KHDRBS1: variants seen among roughly 807,000 people sequenced by gnomAD.
KHDRBS1 encodes KH RNA binding domain containing, signal transduction associated 1, also known as KH domain-containing, RNA-binding, signal transduction-associated protein 1.
A neutral mutation model predicts 48.4 loss-of-function variants in KHDRBS1; 7 were observed. The ratio of observed to expected loss-of-function variants is 0.14; its 90% CI spans 0.08 to 0.27. The LOEUF (loss-of-function observed/expected upper bound fraction) is 0.27. Among genes scored for constraint, KHDRBS1 ranks in the 10% least tolerant of loss-of-function variants. KHDRBS1 has a pLI of 1.00. For synonymous variants in KHDRBS1, 241 were observed against 235.8 expected (o/e 1.02, Z -0.20); for missense variants, 458 against 601.2 (o/e 0.76, Z 2.49).
intron 4 of KHDRBS1, among the ~76,000 whole-genome samples, chr1:32,034,970 G>A (rs1362328286): frequency 6.7e-6 from 1 of 150,068 alleles, no homozygotes; most frequent in African/African-American, 2.5e-5. Context: ...GACAGAGTGA[G>A]GCTCTGTCTC....
chr1:32,057,100 T>C (rs1241824393), intron 10 of KHDRBS1, among the ~76,000 whole-genome samples: 3 of 152,158 alleles, frequency 2.0e-5, no homozygotes, highest in African/African-American at 7.2e-5. Flanking sequence ...GGCAGAGGGC[T>C]TGGGGAAAGG....
At chr1:32,036,379 C>T (rs1639183576) in intron 4 of KHDRBS1, among the ~76,000 whole-genome samples, 1 of 151,982 alleles carries the variant, frequency 6.6e-6, no homozygotes, top group African/African-American at 2.4e-5. Context: ...CCGTGTTAGC[C>T]AGGGTGGTCT....
chr1:32,049,851 C>T (rs528404472), intron 10 of KHDRBS1, among the ~76,000 whole-genome samples: 52 of 151,626 alleles, frequency 3.4e-4, no homozygotes, highest in East Asian at 2.9e-3. Flanking sequence ...TTAGTAGAGA[C>T]GGGGTTTCAC....
chr1:32,045,754 C>T (rs1479833672), downstream of KHDRBS1, among the ~76,000 whole-genome samples: 1 of 152,144 alleles, frequency 6.6e-6, no homozygotes, highest in Admixed American at 6.5e-5. Flanking sequence ...GATAAAAAAT[C>T]TGGTGTGGGA....
rs1168167195 is a variant in KHDRBS1 at position 32,032,517 on chromosome 1, TA to T, written c.625-666del. Among the ~76,000 whole-genome samples, 3 of 152,180 alleles carry T rather than the reference TA, an allele frequency of 2.0e-5. No individual in the cohort carries two copies. The East Asian group carries it at 5.8e-4, about 29-fold the overall frequency. ...GTGATTAACAGCTCTACCTGTGATT[TA>T]AAAACAAATGCTTGGCAAACAGCTA... is the stretch of plus-strand genomic sequence containing the variant. On this transcript the variant is annotated intron_variant, in intron 3 of 8. Coordinates refer to ENST00000327300, the MANE Select transcript of KHDRBS1 (RefSeq NM_006559.3).
intron 1 of KHDRBS1, among the ~76,000 whole-genome samples, chr1:32,021,620 T>G (rs929961694): frequency 6.6e-5 from 10 of 152,072 alleles, no homozygotes; most frequent in Admixed American, 5.2e-4. Flanking sequence ...TACTTTTTTG[T>G]ATTTGTTTTT....
rs373823812 is a variant in KHDRBS1, at chr1:32,037,810, T to C, written c.906-25T>C. ...AGTGGCCTGTTTATAAAAAGCTCCA[T>C]TTAAGATAAACTTTCATTTTGTAGG... On this transcript the variant is annotated intron_variant, in intron 5 of 8. Transcript: ENST00000327300. 24 of 1,606,354 alleles carry C rather than the reference T, an allele frequency of 1.5e-5. No homozygotes were observed. The African/African-American group carries it at 1.6e-4, about 11-fold the overall frequency.
At chr1:32,042,461 C>A in intron 8 of KHDRBS1, 66 bp from the exon 9 acceptor site, 1 of 1,002,504 alleles carries the variant, frequency 1.0e-6, no homozygotes, top group Non-Finnish European at 1.6e-6. Context: ...ACTATGTGAC[C>A]TATCCCTGCT....
intron 10 of KHDRBS1, among the ~76,000 whole-genome samples, chr1:32,057,473 CCTT>C (rs1406300741): frequency 6.6e-6 from 1 of 151,508 alleles, no homozygotes; most frequent in African/African-American, 2.4e-5. Flanking sequence ...CCTAGCTGGA[CCTT>C]CTTCTTTTCT....
At chr1:32,054,444 G>GT (rs1639457348) in intron 10 of KHDRBS1, 1 of 152,108 alleles carries the variant, frequency 6.6e-6, no homozygotes, top group African/African-American at 2.4e-5. Flanking sequence ...TACTTGAGTC[G>GT]TTTGAGGATG....
chr1:32,056,403 A>T (rs1412851903), intron 10 of KHDRBS1, among the ~76,000 whole-genome samples: 1 of 152,218 alleles, frequency 6.6e-6, no homozygotes, highest in Non-Finnish European at 1.5e-5. Context: ...TCAGCTAAAT[A>T]GGGCACCTTG....
intron 1 of KHDRBS1, among the ~76,000 whole-genome samples, chr1:32,020,484 G>A (rs1028324572): frequency 6.6e-6 from 1 of 151,972 alleles, no homozygotes; most frequent in African/African-American, 2.4e-5. Flanking sequence ...TTATTTCAGG[G>A]AAATTAAAAC....
intron 8 of KHDRBS1, among the ~76,000 whole-genome samples, chr1:32,040,399 A>G (rs1369104765): frequency 1.3e-5 from 2 of 151,546 alleles, no homozygotes; most frequent in African/African-American, 2.4e-5. Context: ...CTGGGCAACA[A>G]AAGTCCGTCT....
chr1:32,060,800 C>G lies in KHDRBS1; in HGVS notation n.1939C>G, dbSNP rs187217809. 73 of 152,306 alleles carry G rather than the reference C, an allele frequency of 4.8e-4. No individual in the cohort carries two copies. The East Asian group carries it at 0.012, about 25-fold the overall frequency. 9.4% of individuals were successfully genotyped at this position (152,306 alleles called of 1,614,324 possible). ...TGTTCCACCTCTGTACTATATTTCT[C>G]CCCAACAAATATCTGCCCCTGAGGA... On this transcript the variant is annotated non_coding_transcript_exon_variant, in exon 11 of 11. Transcript: ENST00000484270.
At chr1:32,058,696 G>A (rs1282055049) in intron 10 of KHDRBS1, among the ~76,000 whole-genome samples, 1 of 152,146 alleles carries the variant, frequency 6.6e-6, no homozygotes, top group Non-Finnish European at 1.5e-5. Context: ...CCAGCTGCTC[G>A]GGAGGTGGAG....
In KHDRBS1 at chr1:32,014,117, C is replaced by T. The variant is rs1569749731; in HGVS notation, c.122C>T (p.Pro41Leu). The T allele has an allele frequency of 9.2e-6, 13 of 1,418,584 alleles. No individual in the cohort carries two copies. The highest frequency in any genetic ancestry group is 1.5e-5 in the South Asian group (1 of 68,658). The allele number at this position is 1,418,584 out of a possible 1,614,324, so 87.9% of individuals were successfully genotyped here. A position where few individuals can be genotyped will look rare whatever the true frequency, so the allele number is the denominator to read the frequency against. ...ACGCCGTCTCGGCAGCCGCCGCTGC[C>T]TCACCGGTCCCGGGGAGGCGGAGGG... ...RQTPSRQPPL[P>L]HRSRGGGGGS... The change falls in exon 1 of 9, where the codon CCT (proline) becomes CTT (leucine). Residue 41 changes from proline (P) to leucine (L), a missense_variant. This residue lies in a region of KHDRBS1 where 213 missense variants were observed against 215.6 expected (regional missense o/e 0.99). Coordinates refer to ENST00000327300, the MANE Select transcript of KHDRBS1 (RefSeq NM_006559.3).
chr1:32,029,957 T>C (rs1189399810), intron 1 of KHDRBS1, among the ~76,000 whole-genome samples: 2 of 152,202 alleles, frequency 1.3e-5, no homozygotes, highest in African/African-American at 4.8e-5. Context: ...TTATACTTTG[T>C]CTTGATGCAG....
At position 32,038,720 on chromosome 1, in the gene KHDRBS1, G is replaced by A. The variant is rs939409734; in HGVS notation, c.1175+101G>A. The A allele has an allele frequency of 1.9e-5, 23 of 1,181,834 alleles. 1 individual carries two copies. In the South Asian group the frequency reaches 2.2e-4, roughly 11 times the overall value. The allele number at this position is 1,181,834 out of a possible 1,614,324, so 73.2% of individuals were successfully genotyped here. On this transcript the variant is annotated intron_variant, in intron 7 of 8. Transcript: ENST00000327300. ...ACAGTACAACCCTAAGGAGCAGAAT[G>A]GTTCGCCTTTTGAGGGTATCTCCTC...
At chr1:32,039,705 G>A (rs1223407069) in intron 8 of KHDRBS1, 132 bp downstream of exon 8, 2 of 661,688 alleles carry the variant, frequency 3.0e-6, no homozygotes, top group Non-Finnish European at 2.8e-6. Flanking sequence ...TTTGCTAGAT[G>A]TGACAGTAAG....
Sources: allele counts gnomAD v4.1 joint callset (sites outside exome capture counted in the v4.1 genomes callset), GRCh38; gene constraint gnomAD v4.1.1; regional missense constraint gnomAD v4.1.1; transcripts MANE v1.5; gene names NCBI Gene and HGNC (gene_info 2026-07-23, HGNC 2026-07-21).